Variants in CDH12 observed in about 807,000 individuals in gnomAD.
The protein encoded by CDH12 is cadherin-12.
A neutral mutation model predicts 74.1 loss-of-function variants in CDH12; 41 were observed. The ratio of observed to expected loss-of-function variants is 0.55; its 90% confidence interval spans 0.43 to 0.72. The LOEUF is 0.72. Among genes scored for constraint, CDH12 ranks in the 30% least tolerant of loss-of-function variants. The probability of loss-of-function intolerance (pLI) is 0.00; values close to 1 mark genes in which losing one functional copy is unlikely to be tolerated. For missense variants in CDH12, 945 were observed against 977.2 expected, an observed-to-expected ratio of 0.97 and a Z score of 0.44; for synonymous variants, 399 against 355.0, an observed-to-expected ratio of 1.12 and a Z score of -1.39.
intron 3 of CDH12, among the ~76,000 whole-genome samples, chr5:22,321,411 G>A (rs1018332661): frequency 2.8e-5 from 4 of 140,628 alleles, no homozygotes; most frequent in African/African-American, 5.4e-5. Flanking sequence ...ACCAAACACC[G>A]CATATTCTCA....
chr5:21,964,428 T>A (rs2150112721), intron 6 of CDH12, among the ~76,000 whole-genome samples: 1 of 152,188 alleles, frequency 6.6e-6, no homozygotes, highest in East Asian at 1.9e-4. Flanking sequence ...CAGGGCTTAT[T>A]TTGTTTTTCC....
intron 5 of CDH12, among the ~76,000 whole-genome samples, chr5:21,982,749 T>TA (rs1014363431): frequency 1.3e-5 from 2 of 151,944 alleles, no homozygotes; most frequent in African/African-American, 4.8e-5. Flanking sequence ...GCTAAAACAT[T>TA]AAAAAAAGGA....
intron 1 of CDH12, among the ~76,000 whole-genome samples, chr5:22,806,571 G>A (rs1314363026): frequency 7.9e-5 from 12 of 151,986 alleles, no homozygotes; most frequent in Middle Eastern, 3.4e-3. Flanking sequence ...AGCCAGGATG[G>A]TCTCGATCTC....
At chr5:22,353,736 C>A (rs896376856) in intron 3 of CDH12, among the ~76,000 whole-genome samples, 8 of 152,110 alleles carry the variant, frequency 5.3e-5, no homozygotes, top group African/African-American at 1.9e-4. Context: ...TGTATTTGGT[C>A]TTTTTTCTTC....
At chr5:21,821,184 G>A (rs1272638204) in intron 8 of CDH12, among the ~76,000 whole-genome samples, 4 of 151,568 alleles carry the variant, frequency 2.6e-5, no homozygotes, top group African/African-American at 9.7e-5. Context: ...ACTGTGTGTC[G>A]GGCGGGGAGA....
At chr5:22,170,148 A>T (rs1748935454) in intron 4 of CDH12, among the ~76,000 whole-genome samples, 1 of 151,914 alleles carries the variant, frequency 6.6e-6, no homozygotes, top group African/African-American at 2.4e-5. Context: ...CCCTCAGAAT[A>T]GTAGAAACAA....
intron 10 of CDH12, among the ~76,000 whole-genome samples, chr5:21,799,614 A>G (rs1245924999): frequency 1.3e-5 from 2 of 152,184 alleles, no homozygotes; most frequent in Non-Finnish European, 2.9e-5. Context: ...ATGTGGTAAA[A>G]TGAAAGAAGA....
intron 3 of CDH12, among the ~76,000 whole-genome samples, chr5:22,377,788 CT>C (rs1266478056): frequency 6.6e-6 from 1 of 152,100 alleles, no homozygotes; most frequent in Non-Finnish European, 1.5e-5. Context: ...GAGAGAAGGG[CT>C]GAATGGTACC....
At chr5:22,346,927 G>A (rs1409647670) in intron 3 of CDH12, among the ~76,000 whole-genome samples, 1 of 152,164 alleles carries the variant, frequency 6.6e-6, no homozygotes, top group Non-Finnish European at 1.5e-5. Flanking sequence ...GTTGAAGTGA[G>A]GAGAGCTGGA....
chr5:21,898,346 C>A (rs1753220438), intron 6 of CDH12, among the ~76,000 whole-genome samples: 2 of 152,078 alleles, frequency 1.3e-5, no homozygotes, highest in African/African-American at 4.8e-5. Context: ...GCCTTGGCCT[C>A]CCAAAGTGCT....
intron 8 of CDH12, among the ~76,000 whole-genome samples, 157 bp from the exon 9 acceptor site, chr5:21,817,289 A>C (rs1051366344): frequency 2.0e-5 from 3 of 152,160 alleles, no homozygotes; most frequent in Admixed American, 6.6e-5. Context: ...AAGGATTATG[A>C]TTAGGAGTAA....
At chr5:21,841,165 AAAAC>A in intron 8 of CDH12, among the ~76,000 whole-genome samples, 1 of 152,262 alleles carries the variant, frequency 6.6e-6, no homozygotes, top group African/African-American at 2.4e-5. Flanking sequence ...TTACAAGAAA[AAAAC>A]AAACAACCCC....
rs1362597264 is a variant in CDH12 at position 22,821,328 on chromosome 5, A to C, written c.-523+31730T>G. ...TATTCCCTTTGAAAACCGGCACAAG[A>C]CAGGGATGCCCTCTCTCACCACTCC... is the stretch of plus-strand genomic sequence containing the variant. On this transcript the variant is annotated intron_variant, in intron 1 of 14. Coordinates refer to ENST00000382254, the MANE Select transcript of CDH12 (RefSeq NM_004061.5). 2.0e-5 allele frequency among the ~76,000 whole-genome samples: 3 copies of C among 152,316 alleles called. No homozygotes were observed. The East Asian group carries it at 5.8e-4, about 29-fold the overall frequency.
chr5:21,974,982 T>C (rs990701823), intron 6 of CDH12, 109 bp downstream of exon 6: 36 of 776,270 alleles, frequency 4.6e-5, no homozygotes, highest in Middle Eastern at 3.9e-4. Flanking sequence ...TTTTCTAGAA[T>C]TGAAAAATAT....
At chr5:22,562,852 CTT>C (rs1561492319) in intron 1 of CDH12, among the ~76,000 whole-genome samples, 2 of 148,186 alleles carry the variant, frequency 1.3e-5, no homozygotes, top group Middle Eastern at 3.6e-3. Flanking sequence ...TAAATGATCT[CTT>C]ATAGTCTATA....
At chr5:21,834,608 C>A (rs1287481491) in intron 8 of CDH12, among the ~76,000 whole-genome samples, 1 of 151,870 alleles carries the variant, frequency 6.6e-6, no homozygotes, top group African/African-American at 2.4e-5. Flanking sequence ...TGATGCTGAA[C>A]AAGCACCAGT....
chr5:22,267,948 T>C (rs947905336), intron 3 of CDH12, among the ~76,000 whole-genome samples: 2 of 152,182 alleles, frequency 1.3e-5, no homozygotes, highest in African/African-American at 2.4e-5. Flanking sequence ...ATTTTTCTTA[T>C]AATTTTAAGC....
At chr5:22,582,860 T>G (rs1256238654) in intron 1 of CDH12, among the ~76,000 whole-genome samples, 1 of 151,966 alleles carries the variant, frequency 6.6e-6, no homozygotes, top group Non-Finnish European at 1.5e-5. Flanking sequence ...GAGCTGGGGG[T>G]TTGTACTCTT....
chr5:22,716,970 G>A (rs1046991512), intron 1 of CDH12, among the ~76,000 whole-genome samples: 1 of 152,148 alleles, frequency 6.6e-6, no homozygotes, highest in African/African-American at 2.4e-5. Flanking sequence ...ATGTGTTTGT[G>A]TTTTAAGCTA....
Sources: gnomAD v4.1 joint callset for allele counts (sites outside exome capture counted in the v4.1 genomes callset) on GRCh38, gnomAD v4.1.1 for gene constraint, MANE v1.5 for transcripts, NCBI Gene and HGNC (gene_info 2026-07-23, HGNC 2026-07-21) for gene names.